NRXN1: variants seen among roughly 807,000 people sequenced by gnomAD.
The protein encoded by NRXN1 is neurexin-1.
In NRXN1, 39 loss-of-function variants were observed where a neutral mutation model predicts 150.9. The ratio of observed to expected loss-of-function variants is 0.26; its 90% confidence interval spans 0.20 to 0.34. The LOEUF (loss-of-function observed/expected upper bound fraction) is 0.34, where lower values mean the gene tolerates loss of function less well. NRXN1 is among the 10% of genes least tolerant of loss of function. The pLI, the probability that NRXN1 is intolerant of heterozygous loss-of-function variation, is 1.00. For synonymous variants in NRXN1, 924 were observed against 757.0 expected, an observed-to-expected ratio of 1.22 and a Z score of -3.62; for missense variants, 1,815 against 1,949.9, an observed-to-expected ratio of 0.93 and a Z score of 1.30.
chr2:50,727,119 C>CTATG (rs1559175008), intron 5 of NRXN1, among the ~76,000 whole-genome samples: 1 of 151,294 alleles, frequency 6.6e-6, no homozygotes, highest in Admixed American at 6.6e-5. Context: ...TAAAAAAAAT[C>CTATG]TATGAAGCAA....
chr2:50,374,948 T>A (rs2080373676), intron 17 of NRXN1, among the ~76,000 whole-genome samples: 1 of 152,174 alleles, frequency 6.6e-6, no homozygotes, highest in Non-Finnish European at 1.5e-5. Context: ...TGCAAGTCTA[T>A]TTTTATGCAG....
At chr2:50,514,887 C>T (rs10184537) in intron 12 of NRXN1, among the ~76,000 whole-genome samples, 40,605 of 152,138 alleles carry the variant, frequency 0.27, 6,992 homozygotes, top group Middle Eastern at 0.44. Context: ...CTAACTGTAA[C>T]ATAACCTTAA....
intron 21 of NRXN1, among the ~76,000 whole-genome samples, chr2:49,990,385 T>G (rs1681720040): frequency 1.3e-5 from 2 of 152,014 alleles, no homozygotes; most frequent in South Asian, 4.1e-4. Flanking sequence ...AGATGGAAGT[T>G]GTGTAGGGTA....
At chr2:50,371,938 G>C (rs1171374815) in intron 17 of NRXN1, among the ~76,000 whole-genome samples, 1 of 151,898 alleles carries the variant, frequency 6.6e-6, no homozygotes, top group Non-Finnish European at 1.5e-5. Flanking sequence ...TGTTATCATG[G>C]TTCAAAGCTT....
intron 5 of NRXN1, among the ~76,000 whole-genome samples, chr2:50,696,650 G>A (rs1039797842): frequency 6.6e-6 from 1 of 152,114 alleles, no homozygotes; most frequent in Admixed American, 6.6e-5. Context: ...GCTCTCTGTA[G>A]AGAAACCAGC....
At chr2:51,017,503 CTTTTTTTT>C (rs70958638) in intron 2 of NRXN1, among the ~76,000 whole-genome samples, 137 of 44,300 alleles carry the variant, frequency 3.1e-3, no homozygotes, top group African/African-American at 0.013. Flanking sequence ...CCACATCTGG[CTTTTTTTT>C]TTTTTTTTTT....
chr2:50,248,516 T>C (rs2066725724), intron 17 of NRXN1, among the ~76,000 whole-genome samples: 1 of 152,152 alleles, frequency 6.6e-6, no homozygotes, highest in Non-Finnish European at 1.5e-5. Context: ...AAATAAATCA[T>C]TATTAAGTCT....
intron 5 of NRXN1, among the ~76,000 whole-genome samples, chr2:50,646,865 G>C (rs1325543507): frequency 6.6e-6 from 1 of 151,708 alleles, no homozygotes; most frequent in African/African-American, 2.4e-5. Flanking sequence ...GATTGCATCT[G>C]AGTCCCTTGA....
intron 21 of NRXN1, among the ~76,000 whole-genome samples, chr2:49,988,235 G>A (rs1363025): frequency 0.47 from 71,754 of 151,266 alleles, 17,546 homozygotes; most frequent in Middle Eastern, 0.6. Flanking sequence ...ATTATCTCCT[G>A]ATCTAGGAAA....
chr2:50,139,109 T>G (rs1480356515), intron 18 of NRXN1, among the ~76,000 whole-genome samples: 15 of 152,176 alleles, frequency 9.9e-5, no homozygotes, highest in Non-Finnish European at 1.5e-5. Flanking sequence ...GCAGATCACC[T>G]GAGGTCAGGC....
chr2:50,154,553 G>A (rs1475135317), intron 18 of NRXN1, among the ~76,000 whole-genome samples: 6 of 151,606 alleles, frequency 4.0e-5, no homozygotes, highest in Non-Finnish European at 7.4e-5. Flanking sequence ...CAGTTCTAAA[G>A]ATCAGAGGTC....
intron 17 of NRXN1, among the ~76,000 whole-genome samples, chr2:50,309,552 C>G (rs918192812): frequency 6.6e-6 from 1 of 152,162 alleles, no homozygotes; most frequent in Non-Finnish European, 1.5e-5. Flanking sequence ...GTGACAAGTT[C>G]TTCACATGTG....
intron 5 of NRXN1, among the ~76,000 whole-genome samples, chr2:50,873,813 G>C (rs1678160926): frequency 6.6e-6 from 1 of 151,720 alleles, no homozygotes; most frequent in African/African-American, 2.4e-5. Context: ...GCTGGTCATT[G>C]GAGATTTATG....
chr2:50,627,916 A>G (rs952206031), intron 5 of NRXN1, among the ~76,000 whole-genome samples: 1 of 151,848 alleles, frequency 6.6e-6, no homozygotes, highest in African/African-American at 2.4e-5. Flanking sequence ...GCATTGTGAA[A>G]GAAAGAAAAA....
chr2:50,393,026 G>A (rs896236581), intron 17 of NRXN1, among the ~76,000 whole-genome samples: 16 of 151,988 alleles, frequency 1.1e-4, no homozygotes, highest in African/African-American at 3.4e-4. Context: ...AGAAAAAGGG[G>A]AGAACTATAA....
At chr2:50,951,971 T>A (rs1273401992) in intron 2 of NRXN1, among the ~76,000 whole-genome samples, 1 of 132,604 alleles carries the variant, frequency 7.5e-6, no homozygotes, top group Non-Finnish European at 1.6e-5. Context: ...ATATTTTTTT[T>A]TTTTTTTTTT....
At chr2:50,065,146 T>C in intron 19 of NRXN1, among the ~76,000 whole-genome samples, 1 of 152,166 alleles carries the variant, frequency 6.6e-6, no homozygotes, top group South Asian at 2.1e-4. Flanking sequence ...AAATAATGTA[T>C]TGAGTAGCTT....
At chr2:50,560,969 CA>C (rs937345444) in intron 8 of NRXN1, among the ~76,000 whole-genome samples, 1 of 151,334 alleles carries the variant, frequency 6.6e-6, no homozygotes, top group Non-Finnish European at 1.5e-5. Context: ...TTATTTAAAA[CA>C]AAAAAATAGT....
chr2:50,567,674 T>C (rs2105436956), intron 8 of NRXN1, among the ~76,000 whole-genome samples: 1 of 152,322 alleles, frequency 6.6e-6, no homozygotes, highest in South Asian at 2.1e-4. Flanking sequence ...TTTAATACGT[T>C]GGAAACATAT....
Sources: allele counts gnomAD v4.1 joint callset (sites outside exome capture counted in the v4.1 genomes callset), GRCh38; gene constraint gnomAD v4.1.1; transcripts MANE v1.5; gene names NCBI Gene and HGNC (gene_info 2026-07-23, HGNC 2026-07-21).